The following MEP1B variants were observed in gnomAD, a reference collection of about 807,000 sequenced individuals.
The protein encoded by MEP1B is meprin A subunit beta, also known as N-benzoyl-L-tyrosyl-P-amino-benzoic acid hydrolase subunit beta.
A neutral mutation model predicts 84.6 loss-of-function variants in MEP1B; 80 were observed. The ratio of observed to expected loss-of-function variants is 0.95; its 90% confidence interval spans 0.79 to 1.14. MEP1B has a LOEUF of 1.14. Among genes scored for constraint, MEP1B ranks in the 50% most tolerant of loss-of-function variants. The probability of loss-of-function intolerance (pLI) is 0.00; values close to 1 mark genes in which losing one functional copy is unlikely to be tolerated. For synonymous variants in MEP1B, 273 were observed against 288.1 expected (o/e 0.95, Z 0.53); for missense variants, 766 against 855.1 (o/e 0.90, Z 1.30).
chr18:32,219,536 G>A (rs755304193), intron 14 of MEP1B, among the ~76,000 whole-genome samples: 12 of 152,110 alleles, frequency 7.9e-5, no homozygotes, highest in Non-Finnish European at 1.8e-4. Context: ...GCCAGGAGTT[G>A]GTGCATGGAA....
intron 4 of MEP1B, among the ~76,000 whole-genome samples, chr18:32,194,885 G>T (rs933987580): frequency 2.0e-5 from 3 of 151,746 alleles, no homozygotes; most frequent in South Asian, 4.2e-4. Flanking sequence ...TGAAGCCAGA[G>T]ACCTTTATTA....
intron 12 of MEP1B, 133 bp from the exon 13 acceptor site, chr18:32,216,858 A>T: frequency 5.7e-6 from 6 of 1,061,038 alleles, no homozygotes; most frequent in Non-Finnish European, 7.9e-6. Context: ...ACATTGCAAG[A>T]TCTCACCTCT....
chr18:32,203,780 T>C lies in MEP1B; in HGVS notation c.369-402T>C, dbSNP rs556823458. Among the ~76,000 whole-genome samples the C allele has an allele frequency of 5.9e-5, 9 of 152,112 alleles. 1 individual carries two copies. In the South Asian group the frequency reaches 1.7e-3, roughly 28 times the overall value. ...GGAGGCCTCCGGAAGCTTATAATCA[T>C]AGTGGAAGGTGAGGGTGGAGCAGGC... On this transcript the variant is annotated intron_variant, in intron 6 of 14. Transcript: ENST00000269202.
chr18:32,190,203 GTGT>G (rs2144367656), intron 1 of MEP1B, 70 bp downstream of exon 1: 3 of 1,088,424 alleles, frequency 2.8e-6, no homozygotes, highest in East Asian at 2.5e-5. Flanking sequence ...TAAAGAACAA[GTGT>G]TTTTTTTTTG....
chr18:32,213,244 C>G lies in MEP1B; in HGVS notation c.1264C>G (p.Leu422Val). 6.2e-7 allele frequency: 1 copy of G among 1,614,012 alleles called. No homozygotes were observed. Among genetic ancestry groups the G allele is most frequent in the Non-Finnish European group, 8.5e-7 (1 of 1,179,870 alleles). ...LGGLSIDDIN[L>V]SETRCPHHIW... ...TGGTCTGTCTATTGATGACATCAAT[C>G]TTTCGGAAACACGGTGCCCTCATCA... Residue 422 changes from leucine (L) to valine (V), a missense_variant, in exon 11 of 15, where the codon CTT becomes GTT. Leu to Val is a conservative substitution (Grantham distance 32, BLOSUM62 1). Transcript: ENST00000269202.
chr18:32,216,699 C>T (rs2041093042), intron 12 of MEP1B, among the ~76,000 whole-genome samples: 1 of 152,022 alleles, frequency 6.6e-6, no homozygotes, highest in Non-Finnish European at 1.5e-5. Flanking sequence ...TCAAGGATAC[C>T]TGAATTTCTC....
At chr18:32,217,140 C>T (rs958283140) in intron 13 of MEP1B, 23 bp downstream of exon 13, 4 of 1,607,896 alleles carry the variant, frequency 2.5e-6, no homozygotes, top group African/African-American at 1.3e-5. Flanking sequence ...TGAAAGAGAT[C>T]TCTCCATTCT....
rs335521 is a variant in MEP1B at position 32,205,476 on chromosome 18, C to T, written c.547+1116C>T. 1.0e-2 allele frequency among the ~76,000 whole-genome samples: 1,522 copies of T among 152,304 alleles called. 31 individuals are homozygous for T. The highest frequency in any genetic ancestry group is 0.034 in the African/African-American group (1,430 of 41,536). The stretch of plus-strand genomic sequence containing the variant: ...ACACTTCTTGAAATCACAGCTCTTG[C>T]TCTTTATCCCCCGACTCTGCTTATC... On this transcript the variant is annotated intron_variant, in intron 7 of 14. Transcript: ENST00000269202.
rs1568264912 is a variant in MEP1B at position 32,196,913 on chromosome 18, C to T, written c.250+1428C>T. On this transcript the variant is annotated intron_variant, in intron 5 of 14. Coordinates refer to ENST00000269202, the MANE Select transcript of MEP1B (RefSeq NM_005925.3). The surrounding 1 kb of genome is among the most constrained non-coding windows in gnomAD (Gnocchi z 4.4). The stretch of plus-strand genomic sequence containing the variant: ...GCAGGCAGGCTCAGATCTCCACGTG[C>T]ACTGCTCCCTACACTTGGTTAAACA... 2 of 422,102 alleles carry T rather than the reference C, an allele frequency of 4.7e-6. No individual in the cohort carries two copies. The highest frequency in any genetic ancestry group is 4.5e-6 in the Non-Finnish European group (1 of 222,198). The allele number at this position is 422,102 out of a possible 1,614,324, so 26.1% of individuals were successfully genotyped here. A position where few individuals can be genotyped will look rare whatever the true frequency, so the allele number is the denominator to read the frequency against.
rs2040854727 is a variant in MEP1B at position 32,196,372 on chromosome 18, T to G, written c.250+887T>G. 1.4e-6 allele frequency: 1 copy of G among 700,570 alleles called. No homozygotes were observed. Among genetic ancestry groups the G allele is most frequent in the Non-Finnish European group, 2.7e-6 (1 of 377,214 alleles). The allele number at this position is 700,570 out of a possible 1,614,324, so 43.4% of individuals were successfully genotyped here. ...GGCCACGGCCAGCTGGGTCAGGCAC[T>G]TGAGGTACTCAGAGCTCTCCTTGGT... On this transcript the variant is annotated intron_variant, in intron 5 of 14. Coordinates refer to ENST00000269202, the MANE Select transcript of MEP1B (RefSeq NM_005925.3). The surrounding 1 kb of genome is among the most constrained non-coding windows in gnomAD (Gnocchi z 4.4).
At chr18:32,208,415 C>G (rs1166077778) in intron 9 of MEP1B, 144 bp downstream of exon 9, 2 of 824,596 alleles carry the variant, frequency 2.4e-6, no homozygotes, top group Non-Finnish European at 3.5e-6. Flanking sequence ...GTAGGCCTTG[C>G]ACCTGATAAA....
At chr18:32,202,601 C>A (rs1260139838) in intron 5 of MEP1B, among the ~76,000 whole-genome samples, 1 of 152,090 alleles carries the variant, frequency 6.6e-6, no homozygotes, top group Admixed American at 6.6e-5. Flanking sequence ...TGCCTGTGAT[C>A]CAATGGATAT....
chr18:32,190,901 C>T (rs2040795875), intron 1 of MEP1B, among the ~76,000 whole-genome samples: 1 of 152,054 alleles, frequency 6.6e-6, no homozygotes, highest in Admixed American at 6.5e-5. Flanking sequence ...CCAGTTCATT[C>T]CCACATTTTG....
intron 5 of MEP1B, among the ~76,000 whole-genome samples, chr18:32,201,374 G>A (rs8095196): frequency 0.13 from 20,408 of 151,372 alleles, 2,300 homozygotes; most frequent in African/African-American, 0.31. Context: ...TCCCATCTCA[G>A]CGTCCTCGGA....
chr18:32,194,818 G>C (rs1298906515), intron 4 of MEP1B, among the ~76,000 whole-genome samples: 1 of 151,484 alleles, frequency 6.6e-6, no homozygotes, highest in Non-Finnish European at 1.5e-5. Context: ...CATTCATCCT[G>C]CTTAAACATT....
At chr18:32,216,938 A>G (rs2041096107) in intron 12 of MEP1B, 53 bp from the exon 13 acceptor site, 1 of 1,547,658 alleles carries the variant, frequency 6.5e-7, no homozygotes, top group Admixed American at 2.0e-5. Context: ...TAAAGATCAA[A>G]TGATTGTTAA....
chr18:32,205,924 G>A (rs2040960023), intron 7 of MEP1B, among the ~76,000 whole-genome samples: 1 of 152,092 alleles, frequency 6.6e-6, no homozygotes, highest in African/African-American at 2.4e-5. Context: ...GACATTTGAG[G>A]TTTATTCTCT....
chr18:32,215,685 G>A (rs1183156063), intron 12 of MEP1B, among the ~76,000 whole-genome samples: 7 of 152,026 alleles, frequency 4.6e-5, no homozygotes, highest in African/African-American at 1.2e-4. Context: ...TTAGCTGGGC[G>A]TGGTGGCGGG....
At chr18:32,195,239 G>T (rs1406687415) in intron 4 of MEP1B, among the ~76,000 whole-genome samples, 168 bp from the exon 5 acceptor site, 1 of 150,396 alleles carries the variant, frequency 6.6e-6, no homozygotes, top group African/African-American at 2.5e-5. Flanking sequence ...TAGAAACTTT[G>T]TTATATTATG....
Sources: gnomAD v4.1 joint callset for allele counts (sites outside exome capture counted in the v4.1 genomes callset) on GRCh38, gnomAD v4.1.1 for gene constraint, Gnocchi (gnomAD v3.1) non-coding constraint, MANE v1.5 for transcripts, NCBI Gene and HGNC (gene_info 2026-07-23, HGNC 2026-07-21) for gene names.